Variants in FHIT observed in about 807,000 individuals in gnomAD.
FHIT encodes the protein fragile histidine triad diadenosine triphosphatase.
Under a neutral mutation model 17.9 loss-of-function variants are expected in FHIT, and 19 were observed. The observed-to-expected ratio is 1.06, with a 90% CI of 0.74 to 1.56. The LOEUF (loss-of-function observed/expected upper bound fraction) is 1.56. Among genes scored for constraint, FHIT ranks in the 40% most tolerant of loss-of-function variants. The probability of loss-of-function intolerance (pLI) is 0.00; values close to 1 mark genes in which losing one functional copy is unlikely to be tolerated. For synonymous variants in FHIT, 81 were observed against 69.7 expected (o/e 1.16, Z -0.81); for missense variants, 248 against 189.2 (o/e 1.31, Z -1.82).
chr3:60,650,332 A>G (rs1553687960), intron 4 of FHIT, among the ~76,000 whole-genome samples: 1 of 152,176 alleles, frequency 6.6e-6, no homozygotes. Flanking sequence ...TAAGAGACCT[A>G]AGAGGACCTT....
At chr3:60,778,132 G>T (rs1413725661) in intron 4 of FHIT, among the ~76,000 whole-genome samples, 1 of 152,124 alleles carries the variant, frequency 6.6e-6, no homozygotes, top group Non-Finnish European at 1.5e-5. Context: ...GCCAATATAT[G>T]TTCCAAAATT....
intron 5 of FHIT, among the ~76,000 whole-genome samples, chr3:60,301,865 A>G (rs935761293): frequency 1.3e-5 from 2 of 152,146 alleles, no homozygotes; most frequent in African/African-American, 4.8e-5. Context: ...ATAAAAATGC[A>G]CTCATACATT....
chr3:60,173,915 A>ATTTTTTTTTTTT lies in FHIT; in HGVS notation c.104-159764_104-159763insAAAAAAAAAAAA. 7.5e-5 allele frequency among the ~76,000 whole-genome samples: 5 copies of ATTTTTTTTTTTT among 66,444 alleles called. 1 individual carries two copies. The highest frequency in any genetic ancestry group is 1.6e-3 in the East Asian group (2 of 1,264). The allele number at this position is 66,444 out of a possible 152,430, so 43.6% of individuals were successfully genotyped here. On this transcript the variant is annotated intron_variant, in intron 5 of 9. Transcript: ENST00000492590. ...TATATATATATATATATATATATATATGTTTTTTTTTTTTTTTGAGATCGA... is the reference window on the plus strand; with the variant it reads ...TATATATATATATATATATATATATATTTTTTTTTTTTTGTTTTTTTTTTTTTTTGAGATCGA...
chr3:59,773,828 C>G lies in FHIT; in HGVS notation c.349-21507G>C, dbSNP rs556051511. Among the ~76,000 whole-genome samples the G allele has an allele frequency of 2.6e-5, 4 of 152,258 alleles. No individual in the cohort carries two copies. The East Asian group carries it at 7.7e-4, about 29-fold the overall frequency. On this transcript the variant is annotated intron_variant, in intron 8 of 9. Coordinates refer to ENST00000492590, the MANE Select transcript of FHIT (RefSeq NM_002012.4). ...CGCCCAGGACCTTAGCCATCAGCCC[C>G]ATGTGACTACCAGGCCCCTGTAAAA... is the stretch of plus-strand genomic sequence containing the variant.
chr3:59,875,471 T>A (rs1258244788), intron 8 of FHIT, among the ~76,000 whole-genome samples: 1 of 152,208 alleles, frequency 6.6e-6, no homozygotes, highest in African/African-American at 2.4e-5. Flanking sequence ...TCTCTCTGGG[T>A]CTATAATCTT....
At chr3:61,182,478 A>G (rs1046364249) in intron 2 of FHIT, among the ~76,000 whole-genome samples, 4 of 152,232 alleles carry the variant, frequency 2.6e-5, no homozygotes. Context: ...ACTGGTATAC[A>G]TATTGTATAT....
rs1392058225 is a variant in FHIT at position 61,156,939 on chromosome 3, T to C, written c.-164+43678A>G. On this transcript the variant is annotated intron_variant, in intron 2 of 9. Coordinates refer to ENST00000492590, the MANE Select transcript of FHIT (RefSeq NM_002012.4). ...ACAGACTCTTGAGATGATTCTTACA[T>C]GCCTACTAAAGTTTGGAAAACCACT... Among the ~76,000 whole-genome samples, 4 of 152,200 alleles carry C rather than the reference T, an allele frequency of 2.6e-5. 1 individual carries two copies. The South Asian group carries it at 6.2e-4, about 24-fold the overall frequency.
chr3:60,761,443 A>T (rs904342898), intron 4 of FHIT, among the ~76,000 whole-genome samples: 5 of 152,176 alleles, frequency 3.3e-5, no homozygotes, highest in African/African-American at 1.2e-4. Flanking sequence ...CATTTCAATA[A>T]TGTGACACAT....
At chr3:61,066,653 A>T (rs1174299826) in intron 2 of FHIT, among the ~76,000 whole-genome samples, 1 of 152,110 alleles carries the variant, frequency 6.6e-6, no homozygotes, top group Non-Finnish European at 1.5e-5. Flanking sequence ...AACAGCAAAA[A>T]GTATTAATGA....
At chr3:60,863,947 C>A (rs372548515) in intron 3 of FHIT, among the ~76,000 whole-genome samples, 10 of 152,098 alleles carry the variant, frequency 6.6e-5, no homozygotes, top group African/African-American at 2.4e-4. Context: ...AAGAAATACC[C>A]GAGATGGGAT....
At chr3:60,400,593 G>A (rs1228464691) in intron 5 of FHIT, among the ~76,000 whole-genome samples, 1 of 152,072 alleles carries the variant, frequency 6.6e-6, no homozygotes, top group Non-Finnish European at 1.5e-5. Context: ...CTGAGCAGAG[G>A]TGCTGGCATG....
intron 7 of FHIT, among the ~76,000 whole-genome samples, chr3:59,923,221 C>CAAAAAAAAAAAAA (rs532237239): frequency 3.0e-5 from 2 of 67,456 alleles, no homozygotes; most frequent in Admixed American, 2.2e-4. Context: ...CGAGACTCCT[C>CAAAAAAAAAAAAA]AAAAAAAAAA....
intron 4 of FHIT, among the ~76,000 whole-genome samples, chr3:60,757,276 T>C (rs1699462464): frequency 6.6e-6 from 1 of 152,208 alleles, no homozygotes; most frequent in African/African-American, 2.4e-5. Context: ...AGAAACCACC[T>C]GGGCCAGACA....
chr3:60,090,618 G>A (rs189401668), intron 5 of FHIT, among the ~76,000 whole-genome samples: 12 of 152,242 alleles, frequency 7.9e-5, no homozygotes, highest in Admixed American at 5.2e-4. Flanking sequence ...AATGACCAAC[G>A]AAGTGAAGGT....
At chr3:60,125,371 C>T (rs1705493811) in intron 5 of FHIT, among the ~76,000 whole-genome samples, 1 of 152,112 alleles carries the variant, frequency 6.6e-6, no homozygotes, top group East Asian at 1.9e-4. Context: ...GTGGCTTACG[C>T]CTGTAATTCC....
At chr3:60,876,104 G>A (rs1704642664) in intron 3 of FHIT, among the ~76,000 whole-genome samples, 1 of 151,948 alleles carries the variant, frequency 6.6e-6, no homozygotes, top group Non-Finnish European at 1.5e-5. Context: ...CAGGTTATCA[G>A]GATCCTAACC....
intron 3 of FHIT, among the ~76,000 whole-genome samples, chr3:60,840,501 T>C (rs1702686954): frequency 6.6e-6 from 1 of 152,180 alleles, no homozygotes; most frequent in Non-Finnish European, 1.5e-5. Context: ...GTGAGAAAGA[T>C]CCCTACTTAC....
intron 3 of FHIT, among the ~76,000 whole-genome samples, chr3:60,991,291 G>A (rs2030188554): frequency 6.6e-6 from 1 of 152,182 alleles, no homozygotes; most frequent in Admixed American, 6.5e-5. Flanking sequence ...ATGACCCGAG[G>A]GCATTGAGGA....
chr3:60,463,907 C>T (rs1057497009), intron 5 of FHIT, among the ~76,000 whole-genome samples: 11 of 152,290 alleles, frequency 7.2e-5, no homozygotes, highest in South Asian at 4.2e-4. Context: ...TTATTATCCA[C>T]GAATCAGTTT....
Sources: allele counts gnomAD v4.1 joint callset (sites outside exome capture counted in the v4.1 genomes callset), GRCh38; gene constraint gnomAD v4.1.1; transcripts MANE v1.5; gene names NCBI Gene and HGNC (gene_info 2026-07-23, HGNC 2026-07-21).